The following WDR27 variants were observed in gnomAD, a reference collection of about 807,000 sequenced individuals.
WDR27 encodes WD repeat-containing protein 27.
Under a neutral mutation model 114.4 loss-of-function variants are expected in WDR27, and 100 were observed. That is an observed-to-expected ratio of 0.87 (90% CI 0.74 to 1.03). The LOEUF (loss-of-function observed/expected upper bound fraction) is 1.03, where lower values mean the gene tolerates loss of function less well. WDR27 is among the 50% of genes least tolerant of loss of function. WDR27 has a pLI of 0.00. For synonymous variants in WDR27, 449 were observed against 423.1 expected (o/e 1.06, Z -0.75); for missense variants, 1,129 against 1,092.9 (o/e 1.03, Z -0.47).
intron 17 of WDR27, among the ~76,000 whole-genome samples, chr6:169,642,376 G>T (rs556722125): frequency 6.6e-6 from 1 of 150,930 alleles, no homozygotes; most frequent in African/African-American, 2.4e-5. Context: ...TTTCAGTTTA[G>T]TGAGAAGCCC....
Position 169,659,443 on chromosome 6 carries a change from G to A in WDR27, c.1197+8C>T. ...CATAGACAGGGAGGGCCGCGTCTCAGGACTGACCTTTTGATCCGCAGTGCG... is the reference window on the plus strand; with the variant it reads ...CATAGACAGGGAGGGCCGCGTCTCAAGACTGACCTTTTGATCCGCAGTGCG... On this transcript the variant is annotated splice_region_variant and intron_variant, in intron 11 of 25. Transcript: ENST00000448612. The surrounding 1 kb of genome is among the most constrained non-coding windows in gnomAD (Gnocchi z 4.3). 1 of 1,606,658 alleles carries A rather than the reference G, an allele frequency of 6.2e-7. No individual in the cohort carries two copies. Among genetic ancestry groups the A allele is most frequent in the Non-Finnish European group, 8.5e-7 (1 of 1,176,556 alleles).
chr6:169,682,880 T>A (rs1466866801), intron 2 of WDR27, among the ~76,000 whole-genome samples: 8 of 151,898 alleles, frequency 5.3e-5, no homozygotes, highest in Admixed American at 2.0e-4. Flanking sequence ...AGATTAATTT[T>A]AAAAAAAATC....
intron 14 of WDR27, among the ~76,000 whole-genome samples, chr6:169,651,187 G>GGGC (rs1268244694): frequency 9.1e-6 from 1 of 109,312 alleles, no homozygotes; most frequent in Non-Finnish European, 1.7e-5. Flanking sequence ...GCGGGGCGGG[G>GGGC]GGGGGGAGTG....
intron 2 of WDR27, among the ~76,000 whole-genome samples, chr6:169,679,360 G>A (rs548743245): frequency 6.6e-5 from 10 of 152,072 alleles, no homozygotes; most frequent in Non-Finnish European, 1.5e-4. Flanking sequence ...GACTTTGGGG[G>A]ACTGTTGGAA....
intron 20 of WDR27, 61 bp downstream of exon 20, chr6:169,634,367 C>T: frequency 7.7e-7 from 1 of 1,291,626 alleles, no homozygotes; most frequent in Middle Eastern, 1.8e-4. Context: ...CAGCACATGC[C>T]TCTGCCAGAG....
intron 9 of WDR27, among the ~76,000 whole-genome samples, chr6:169,661,827 A>T (rs887276238): frequency 1.3e-5 from 2 of 152,276 alleles, no homozygotes; most frequent in Admixed American, 1.3e-4. Flanking sequence ...CATTTTGGGG[A>T]GGAGAAGTAA....
At chr6:169,565,047 G>A (rs75474906) in intron 25 of WDR27, among the ~76,000 whole-genome samples, 3,856 of 152,054 alleles carry the variant, frequency 0.025, 178 homozygotes, top group Admixed American at 0.1. Context: ...AAGCCTCGCC[G>A]AGCTGAGCCC....
chr6:169,592,578 A>C (rs1805958093), intron 23 of WDR27, among the ~76,000 whole-genome samples: 1 of 152,122 alleles, frequency 6.6e-6, no homozygotes, highest in African/African-American at 2.4e-5. Flanking sequence ...TTTATTGTTC[A>C]TATTGGCCAC....
In WDR27 at chr6:169,672,385, T is replaced by C. The variant is rs192661523; in HGVS notation, c.201A>G (p.Leu67=). ...TKDPSHQLLI[L]RGHHQPITAM... ...CAGTAATTGGCTGATGGTGTCCTCGTAGGATTAGAAGCTGGGAAAATTAAC... is the reference window on the plus strand; with the variant it reads ...CAGTAATTGGCTGATGGTGTCCTCGCAGGATTAGAAGCTGGGAAAATTAAC... The change falls in exon 3 of 26, where the codon CTA becomes CTG. Residue 67 remains leucine, a synonymous_variant. Coordinates refer to ENST00000448612, the MANE Select transcript of WDR27 (RefSeq NM_182552.5). The C allele has an allele frequency of 5.1e-5, 82 of 1,603,886 alleles. No homozygotes were observed. In the East Asian group the frequency reaches 1.7e-3, roughly 33 times the overall value.
chr6:169,660,398 C>T (rs1312747209), intron 10 of WDR27, among the ~76,000 whole-genome samples: 1 of 152,130 alleles, frequency 6.6e-6, no homozygotes, highest in Non-Finnish European at 1.5e-5. Flanking sequence ...TGCTGGGGCC[C>T]GGGCGGCCTG....
At chr6:169,693,180 C>G (rs1360127194) in intron 1 of WDR27, among the ~76,000 whole-genome samples, 1 of 152,106 alleles carries the variant, frequency 6.6e-6, no homozygotes, top group East Asian at 1.9e-4. Flanking sequence ...GGATTGGGGT[C>G]ATATCTTTAC....
At chr6:169,451,065 G>A in the WDR27 span, among the ~76,000 whole-genome samples, 30 of 152,098 alleles carry the variant, frequency 2.0e-4, no homozygotes, top group Admixed American at 6.5e-5. Context: ...TGCTCACAAG[G>A]AACTTCCTTG....
intron 25 of WDR27, among the ~76,000 whole-genome samples, chr6:169,547,398 C>G (rs1266314990): frequency 1.3e-5 from 2 of 152,098 alleles, no homozygotes; most frequent in Admixed American, 1.3e-4. Flanking sequence ...ACTAATATTT[C>G]TCATGTAGAC....
At chr6:169,536,635 C>G (rs1796224360) in intron 25 of WDR27, among the ~76,000 whole-genome samples, 1 of 152,184 alleles carries the variant, frequency 6.6e-6, no homozygotes, top group Non-Finnish European at 1.5e-5. Context: ...ACCAAATGCT[C>G]TTTAAGCCAA....
intron 3 of WDR27, 28 bp downstream of exon 3, chr6:169,672,227 T>C (rs752135073): frequency 6.2e-7 from 1 of 1,607,806 alleles, no homozygotes; most frequent in Non-Finnish European, 8.5e-7. Flanking sequence ...TGCAGGTTTT[T>C]AAAAACATGT....
At chr6:169,536,174 C>T (rs192206060) in intron 25 of WDR27, among the ~76,000 whole-genome samples, 6 of 152,214 alleles carry the variant, frequency 3.9e-5, no homozygotes, top group East Asian at 1.9e-4. Flanking sequence ...AGGTTTTCTG[C>T]GGTTTATAAC....
intron 25 of WDR27, among the ~76,000 whole-genome samples, chr6:169,470,765 T>C (rs1277550374): frequency 6.6e-6 from 1 of 152,174 alleles, no homozygotes; most frequent in Non-Finnish European, 1.5e-5. Context: ...TATCTCCAAG[T>C]ATAGTGATGT....
chr6:169,443,986 T>C, the WDR27 span, among the ~76,000 whole-genome samples: 1 of 152,156 alleles, frequency 6.6e-6, no homozygotes, highest in Admixed American at 6.5e-5. Context: ...CTCCTTGCCA[T>C]AGCCCCTCCT....
At chr6:169,500,428 G>C (rs561472438) in intron 25 of WDR27, among the ~76,000 whole-genome samples, 4 of 152,176 alleles carry the variant, frequency 2.6e-5, no homozygotes, top group Non-Finnish European at 4.4e-5. Flanking sequence ...GAAAATCCAG[G>C]AGCTATCTGT....
Sources: gnomAD v4.1 joint callset for allele counts (sites outside exome capture counted in the v4.1 genomes callset) on GRCh38, gnomAD v4.1.1 for gene constraint, Gnocchi (gnomAD v3.1) non-coding constraint, MANE v1.5 for transcripts, NCBI Gene and HGNC (gene_info 2026-07-23, HGNC 2026-07-21) for gene names.